The following MDGA2 variants were observed in gnomAD, a reference collection of about 807,000 sequenced individuals.
MDGA2 encodes MAM domain-containing glycosylphosphatidylinositol anchor protein 2.
MDGA2 carries 40 observed loss-of-function variants against 117.8 expected under a neutral mutation model. The observed-to-expected ratio is 0.34, with a 90% CI of 0.26 to 0.44. MDGA2 has a LOEUF of 0.44. MDGA2 is among the 20% of genes least tolerant of loss of function. The pLI, the probability that MDGA2 is intolerant of heterozygous loss-of-function variation, is 1.00. For missense variants in MDGA2, 1,123 were observed against 1,250.6 expected (o/e 0.90, Z 1.54); for synonymous variants, 452 against 439.0 (o/e 1.03, Z -0.37).
rs1282351705 is a variant in MDGA2 at position 47,412,235 on chromosome 14, A to C, written c.281-110685T>G. On this transcript the variant is annotated intron_variant, in intron 1 of 16. Transcript: ENST00000399232. ...AAAACCTTGAGACAGGAAACTCTGC[A>C]GACAACTATTTAGAAGAAAAACAAA... 3.3e-5 allele frequency among the ~76,000 whole-genome samples: 5 copies of C among 152,324 alleles called. No individual in the cohort carries two copies. The East Asian group carries it at 9.6e-4, about 29-fold the overall frequency.
chr14:46,980,025 G>C (rs1456968468), intron 8 of MDGA2, among the ~76,000 whole-genome samples: 1 of 152,168 alleles, frequency 6.6e-6, no homozygotes, highest in Non-Finnish European at 1.5e-5. Flanking sequence ...TGATTATACT[G>C]TTAGGGGCTA....
At chr14:46,958,759 T>C (rs1041599991) in intron 8 of MDGA2, among the ~76,000 whole-genome samples, 2 of 152,248 alleles carry the variant, frequency 1.3e-5, no homozygotes, top group East Asian at 1.9e-4. Context: ...GGTAATGTTT[T>C]ATTTTCTCTT....
chr14:46,897,096 A>T (rs1474364806), intron 10 of MDGA2, among the ~76,000 whole-genome samples: 1 of 152,170 alleles, frequency 6.6e-6, no homozygotes, highest in Non-Finnish European at 1.5e-5. Context: ...GACAATTTAG[A>T]ATACATATTT....
rs536186764 is a variant in MDGA2, at chr14:47,095,278, C to A, written c.1195+1576G>T. Among the ~76,000 whole-genome samples, 4 of 151,962 alleles carry A rather than the reference C, an allele frequency of 2.6e-5. No homozygotes were observed. In the South Asian group the frequency reaches 8.3e-4, roughly 32 times the overall value. ...CATGGTTGCTATTAGTAATCATGACCTGACTTAAAATAAAATCTCAGAGGC... is the reference window on the plus strand; with the variant it reads ...CATGGTTGCTATTAGTAATCATGACATGACTTAAAATAAAATCTCAGAGGC... On this transcript the variant is annotated intron_variant, in intron 6 of 16. Coordinates refer to ENST00000399232, the MANE Select transcript of MDGA2 (RefSeq NM_001113498.3).
chr14:47,289,304 T>TACATACACAC (rs1555370378), intron 2 of MDGA2, among the ~76,000 whole-genome samples: 1 of 140,512 alleles, frequency 7.1e-6, no homozygotes, highest in Admixed American at 7.6e-5. Context: ...TTTCTGGACT[T>TACATACACAC]ACACACACAC....
At chr14:47,406,811 G>A (rs2138476146) in intron 1 of MDGA2, among the ~76,000 whole-genome samples, 1 of 152,046 alleles carries the variant, frequency 6.6e-6, no homozygotes, top group South Asian at 2.1e-4. Flanking sequence ...GAATTATAAA[G>A]TTTTGTAAAG....
chr14:47,133,875 T>G (rs944487471), intron 4 of MDGA2, among the ~76,000 whole-genome samples: 1 of 152,056 alleles, frequency 6.6e-6, no homozygotes, highest in African/African-American at 2.4e-5. Flanking sequence ...TTAATCATAA[T>G]GCTCTAAACC....
intron 1 of MDGA2, among the ~76,000 whole-genome samples, chr14:47,371,128 T>G (rs1008718843): frequency 1.3e-5 from 2 of 151,922 alleles, no homozygotes; most frequent in African/African-American, 4.8e-5. Flanking sequence ...ACTTTTATTT[T>G]TCTCTCAAAC....
chr14:47,116,046 T>C (rs1881312285), intron 5 of MDGA2, among the ~76,000 whole-genome samples: 2 of 151,914 alleles, frequency 1.3e-5, no homozygotes, highest in South Asian at 4.1e-4. Flanking sequence ...AAAAACTCTA[T>C]GAAAAAATAC....
chr14:47,374,064 T>C (rs1343894544), intron 1 of MDGA2, among the ~76,000 whole-genome samples: 1 of 152,138 alleles, frequency 6.6e-6, no homozygotes, highest in South Asian at 2.1e-4. Flanking sequence ...ATCTTTGTTA[T>C]AAACCTACTT....
intron 1 of MDGA2, among the ~76,000 whole-genome samples, chr14:47,536,272 T>A (rs1480676267): frequency 6.6e-6 from 1 of 152,184 alleles, no homozygotes; most frequent in African/African-American, 2.4e-5. Context: ...TACAAATGAA[T>A]CATTAAAAAC....
chr14:47,128,698 CTTT>C (rs35221831), intron 5 of MDGA2, among the ~76,000 whole-genome samples: 1 of 138,032 alleles, frequency 7.2e-6, no homozygotes, highest in Non-Finnish European at 1.6e-5. Flanking sequence ...ATTTCCATCA[CTTT>C]TTTTTTTTTT....
intron 8 of MDGA2, among the ~76,000 whole-genome samples, chr14:46,982,081 T>A (rs1045981890): frequency 6.6e-6 from 1 of 152,216 alleles, no homozygotes; most frequent in Non-Finnish European, 1.5e-5. Flanking sequence ...TATTAAATAC[T>A]CTTTCAGACA....
chr14:47,399,235 AC>A (rs1308936794), intron 1 of MDGA2, among the ~76,000 whole-genome samples: 1 of 152,162 alleles, frequency 6.6e-6, no homozygotes, highest in Non-Finnish European at 1.5e-5. Context: ...GAAGTATACC[AC>A]AACACCACAA....
intron 7 of MDGA2, among the ~76,000 whole-genome samples, chr14:47,053,879 A>G (rs1178343225): frequency 1.3e-5 from 2 of 151,782 alleles, no homozygotes; most frequent in African/African-American, 4.8e-5. Context: ...TGCCATTAAA[A>G]CACTATTTGG....
intron 1 of MDGA2, among the ~76,000 whole-genome samples, chr14:47,563,877 T>C (rs747379527): frequency 5.3e-5 from 8 of 152,152 alleles, no homozygotes; most frequent in Non-Finnish European, 1.0e-4. Flanking sequence ...GTATGTGTTT[T>C]TGTAGCAGTG....
At chr14:47,195,404 A>G (rs1885253535) in intron 3 of MDGA2, among the ~76,000 whole-genome samples, 1 of 152,030 alleles carries the variant, frequency 6.6e-6, no homozygotes. Context: ...TTAAAATGCA[A>G]AGACATTAAG....
chr14:46,990,871 CA>C (rs1887064618), intron 8 of MDGA2, among the ~76,000 whole-genome samples: 3 of 86,386 alleles, frequency 3.5e-5, no homozygotes, highest in East Asian at 7.1e-4. Context: ...CACACCCACA[CA>C]CACACACACA....
intron 8 of MDGA2, among the ~76,000 whole-genome samples, chr14:46,982,411 C>A (rs2138388127): frequency 6.6e-6 from 1 of 151,910 alleles, no homozygotes; most frequent in Non-Finnish European, 1.5e-5. Flanking sequence ...AAATTAGTTC[C>A]TTTAAAAAAC....
Sources: allele counts gnomAD v4.1 joint callset (sites outside exome capture counted in the v4.1 genomes callset), GRCh38; gene constraint gnomAD v4.1.1; transcripts MANE v1.5; gene names NCBI Gene and HGNC (gene_info 2026-07-23, HGNC 2026-07-21).